Variants in PAPSS1 observed in about 807,000 individuals in gnomAD.
The protein encoded by PAPSS1 is 3'-phosphoadenosine 5'-phosphosulfate synthase 1.
In PAPSS1, 50 loss-of-function variants were observed where a neutral mutation model predicts 72.0. The observed-to-expected ratio is 0.69, with a 90% confidence interval of 0.55 to 0.88. The LOEUF (loss-of-function observed/expected upper bound fraction) is 0.88, where lower values mean the gene tolerates loss of function less well. Among genes scored for constraint, PAPSS1 ranks in the 40% least tolerant of loss-of-function variants. PAPSS1 has a pLI of 0.00. For missense variants in PAPSS1, 657 were observed against 782.2 expected (o/e 0.84, Z 1.91); for synonymous variants, 261 against 263.6 (o/e 0.99, Z 0.09).
intron 2 of PAPSS1, among the ~76,000 whole-genome samples, chr4:107,696,959 C>G (rs1292554289): frequency 6.6e-6 from 1 of 152,164 alleles, no homozygotes. Flanking sequence ...GGCCTTAGGA[C>G]TTACCTGCAG....
At chr4:107,669,640 C>T (rs565793976) in intron 5 of PAPSS1, among the ~76,000 whole-genome samples, 5 of 152,268 alleles carry the variant, frequency 3.3e-5, no homozygotes, top group African/African-American at 7.2e-5. Flanking sequence ...GAGAAATATG[C>T]GTGCTTTCAT....
At chr4:107,633,250 G>A (rs1578386839) in intron 10 of PAPSS1, among the ~76,000 whole-genome samples, 1 of 152,280 alleles carries the variant, frequency 6.6e-6, no homozygotes, top group South Asian at 2.1e-4. Flanking sequence ...ATATTCATCT[G>A]TAAAGTGAGG....
chr4:107,656,843 C>G (rs1342430591), intron 7 of PAPSS1, 53 bp downstream of exon 7: 1 of 1,221,434 alleles, frequency 8.2e-7, no homozygotes, highest in Non-Finnish European at 1.2e-6. Flanking sequence ...ATCTCTGCAA[C>G]TATGTAATTT....
chr4:107,633,472 TACCTTGCTCTAACCTGCTTC>T (rs1726274325), intron 10 of PAPSS1, among the ~76,000 whole-genome samples: 1 of 152,178 alleles, frequency 6.6e-6, no homozygotes, highest in South Asian at 2.1e-4. Flanking sequence ...GGTTTCTGTG[TACCTTGCTCTAACCTGCTTC>T]ATGACCACAC....
chr4:107,706,927 C>A (rs1723352086), intron 1 of PAPSS1, among the ~76,000 whole-genome samples: 1 of 152,178 alleles, frequency 6.6e-6, no homozygotes, highest in African/African-American at 2.4e-5. Flanking sequence ...CCTAGGTCTA[C>A]AGTGGTTGGT....
intron 10 of PAPSS1, among the ~76,000 whole-genome samples, chr4:107,639,219 ATCTGATGCT>A (rs1376901553): frequency 1.3e-5 from 2 of 152,240 alleles, no homozygotes; most frequent in African/African-American, 4.8e-5. Context: ...CACCTGCAAA[ATCTGATGCT>A]TCCTAATGAA....
intron 1 of PAPSS1, among the ~76,000 whole-genome samples, chr4:107,701,809 A>T (rs2125937076): frequency 6.6e-6 from 1 of 152,320 alleles, no homozygotes; most frequent in Middle Eastern, 3.4e-3. Flanking sequence ...AAGGAAACAG[A>T]GTGCCTCTTT....
chr4:107,712,846 C>T (rs545071173), intron 1 of PAPSS1, among the ~76,000 whole-genome samples: 18 of 145,158 alleles, frequency 1.2e-4, no homozygotes, highest in Admixed American at 3.5e-4. Flanking sequence ...GCACTCCAGC[C>T]AGGCGACAGA....
At chr4:107,678,163 G>T (rs766240503) in intron 5 of PAPSS1, among the ~76,000 whole-genome samples, 52 of 151,384 alleles carry the variant, frequency 3.4e-4, no homozygotes, top group Non-Finnish European at 5.6e-4. Context: ...TTGTGCACAT[G>T]TACCCTAAAA....
intron 1 of PAPSS1, among the ~76,000 whole-genome samples, 155 bp from the exon 2 acceptor site, chr4:107,701,440 T>C (rs998209718): frequency 2.6e-5 from 4 of 152,130 alleles, no homozygotes; most frequent in Admixed American, 2.6e-4. Flanking sequence ...TGGCATGGTG[T>C]TTACTGCTTT....
intron 6 of PAPSS1, among the ~76,000 whole-genome samples, chr4:107,657,901 T>A (rs1727063656): frequency 6.6e-6 from 1 of 152,176 alleles, no homozygotes; most frequent in Non-Finnish European, 1.5e-5. Context: ...AAGCTGCATT[T>A]TATCTGACAG....
At chr4:107,653,175 A>C (rs945136634) in intron 9 of PAPSS1, among the ~76,000 whole-genome samples, 1 of 151,840 alleles carries the variant, frequency 6.6e-6, no homozygotes, top group Admixed American at 6.6e-5. Context: ...TGACATATAA[A>C]GCATATTTAT....
chr4:107,696,586 G>T (rs1486809236), intron 2 of PAPSS1, among the ~76,000 whole-genome samples: 1 of 152,072 alleles, frequency 6.6e-6, no homozygotes, highest in Non-Finnish European at 1.5e-5. Context: ...GCCTCCCAGT[G>T]GGGGTAGGTA....
intron 7 of PAPSS1, 151 bp from the exon 8 acceptor site, chr4:107,655,051 CG>C (rs1434610197): frequency 1.1e-5 from 5 of 460,504 alleles, no homozygotes; most frequent in Non-Finnish European, 1.9e-5. Context: ...CACAGAAAAA[CG>C]AAAGACAGAA....
Position 107,701,231 on chromosome 4 carries a change from T to A in PAPSS1, c.115A>T (p.Lys39Ter), listed in dbSNP as rs1201773470. The change falls in exon 2 of 12, where the codon AAG (lysine) becomes TAG (stop). Residue 39 changes from lysine (K) to a stop codon, truncating the protein, a stop_gained. Coordinates refer to ENST00000265174, the MANE Select transcript of PAPSS1 (RefSeq NM_005443.5). LOFTEE classifies it high-confidence loss of function. Reference sequence around the variant, plus strand: ...CTGGTCCCCACCACCTGACCTCTCTTGTTCCTGCTGACATGATGGGCTTGG... The same window carrying A: ...CTGGTCCCCACCACCTGACCTCTCTAGTTCCTGCTGACATGATGGGCTTGG... ...TYQAHHVSRNKRGQVVGTRGG... is the reference protein window; with the variant it reads ...TYQAHHVSRN 1 of 1,613,894 alleles carries A rather than the reference T, an allele frequency of 6.2e-7. No individual in the cohort carries two copies. The highest frequency in any genetic ancestry group is 8.5e-7 in the Non-Finnish European group (1 of 1,179,878).
chr4:107,670,057 A>C (rs1727428096), intron 5 of PAPSS1, among the ~76,000 whole-genome samples: 1 of 152,240 alleles, frequency 6.6e-6, no homozygotes, highest in South Asian at 2.1e-4. Flanking sequence ...CCACTTGGAA[A>C]ACTACCACAG....
chr4:107,621,368 A>T (rs918746640), intron 11 of PAPSS1, among the ~76,000 whole-genome samples: 17 of 152,180 alleles, frequency 1.1e-4, no homozygotes, highest in African/African-American at 4.1e-4. Flanking sequence ...ACTGCGTACA[A>T]CTGTGTTAGA....
In PAPSS1 at chr4:107,626,127, G is replaced by A. The variant is rs907166118; in HGVS notation, c.1736+5504C>T. Among the ~76,000 whole-genome samples, 10 of 147,950 alleles carry A rather than the reference G, an allele frequency of 6.8e-5. No individual in the cohort carries two copies. In the South Asian group the frequency reaches 8.6e-4, roughly 13 times the overall value. ...AGGGAGGCAGAGCTTGCAGTGAGCC[G>A]AGATAGCACCACTGCACTCCAGCCT... On this transcript the variant is annotated intron_variant, in intron 11 of 11. Coordinates refer to ENST00000265174, the MANE Select transcript of PAPSS1 (RefSeq NM_005443.5).
chr4:107,679,160 A>C (rs1462872235), intron 5 of PAPSS1, among the ~76,000 whole-genome samples: 1 of 152,138 alleles, frequency 6.6e-6, no homozygotes, highest in African/African-American at 2.4e-5. Context: ...CCTAAGACTG[A>C]AGGTGGGCCA....
Sources: gnomAD v4.1 joint callset for allele counts (sites outside exome capture counted in the v4.1 genomes callset) on GRCh38, gnomAD v4.1.1 for gene constraint, MANE v1.5 for transcripts, NCBI Gene and HGNC (gene_info 2026-07-23, HGNC 2026-07-21) for gene names.